The following KATNIP variants were observed in gnomAD, a reference collection of about 807,000 sequenced individuals.
KATNIP encodes the protein katanin-interacting protein.
A neutral mutation model predicts 174.0 loss-of-function variants in KATNIP; 126 were observed. The ratio of observed to expected loss-of-function variants is 0.72; its 90% CI spans 0.63 to 0.84. The LOEUF (loss-of-function observed/expected upper bound fraction) is 0.84, where lower values mean the gene tolerates loss of function less well. Ranked by LOEUF, KATNIP falls within the 40% of genes least tolerant of loss-of-function variation. KATNIP has a pLI of 0.00. For synonymous variants in KATNIP, 810 were observed against 835.7 expected (o/e 0.97, Z 0.53); for missense variants, 1,958 against 2,109.7 (o/e 0.93, Z 1.41).
chr16:27,766,061 G>T (rs1191992132), intron 19 of KATNIP, among the ~76,000 whole-genome samples: 1 of 151,248 alleles, frequency 6.6e-6, no homozygotes, highest in African/African-American at 2.4e-5. Context: ...AAACCCTGAT[G>T]ATTGCTTTTC....
At position 27,779,049 on chromosome 16, in the gene KATNIP, C is replaced by G. The variant is rs746765222; in HGVS notation, c.*420C>G. On this transcript the variant is annotated 3_prime_UTR_variant, in exon 28 of 28. Coordinates refer to ENST00000261588, the MANE Select transcript of KATNIP (RefSeq NM_015202.5). ...TGGGAGACCAGACCCTACCCCGCAA[C>G]TCCAGTAAGCAGGGCACTGCCCAGG... 1.8e-4 allele frequency: 31 copies of G among 168,248 alleles called. No individual in the cohort carries two copies. The highest frequency in any genetic ancestry group is 3.7e-4 in the Non-Finnish European group (29 of 79,164). The allele number at this position is 168,248 out of a possible 1,614,324, so 10.4% of individuals were successfully genotyped here.
intron 7 of KATNIP, 68 bp from the exon 8 acceptor site, chr16:27,681,331 A>G: frequency 6.3e-7 from 1 of 1,583,402 alleles, no homozygotes; most frequent in Non-Finnish European, 8.7e-7. Flanking sequence ...ATGATGAACA[A>G]ATGCCTGAAC....
At chr16:27,562,373 A>G (rs1285348590) in intron 1 of KATNIP, among the ~76,000 whole-genome samples, 1 of 152,218 alleles carries the variant, frequency 6.6e-6, no homozygotes, top group Non-Finnish European at 1.5e-5. Context: ...GGAGAATCAA[A>G]TGAATTCATC....
At chr16:27,695,874 C>T (rs987463416) in intron 8 of KATNIP, among the ~76,000 whole-genome samples, 3 of 152,230 alleles carry the variant, frequency 2.0e-5, no homozygotes, top group Non-Finnish European at 4.4e-5. Context: ...ATTACCCATC[C>T]TTGGCAATAA....
In KATNIP at chr16:27,618,159, G is replaced by A. The variant is rs537402702; in HGVS notation, c.64-266G>A. ...ATGTCAGAACCCTTGATCTTAGAGGGCATGGGAGGAACGAACAGTAGCGAG... is the reference window on the plus strand; with the variant it reads ...ATGTCAGAACCCTTGATCTTAGAGGACATGGGAGGAACGAACAGTAGCGAG... On this transcript the variant is annotated intron_variant, in intron 2 of 27. Transcript: ENST00000261588. Among the ~76,000 whole-genome samples, 5 of 152,304 alleles carry A rather than the reference G, an allele frequency of 3.3e-5. No homozygotes were observed. The East Asian group carries it at 5.8e-4, about 18-fold the overall frequency.
chr16:27,670,988 T>C, intron 6 of KATNIP, among the ~76,000 whole-genome samples: 1 of 152,010 alleles, frequency 6.6e-6, no homozygotes, highest in East Asian at 1.9e-4. Context: ...GGTCAAGAGT[T>C]CAAGACCAGC....
At chr16:27,604,009 A>G (rs1434869241) in intron 2 of KATNIP, among the ~76,000 whole-genome samples, 1 of 152,078 alleles carries the variant, frequency 6.6e-6, no homozygotes, top group Non-Finnish European at 1.5e-5. Context: ...AGTTTTGGGA[A>G]TACAAGTGTG....
intron 5 of KATNIP, among the ~76,000 whole-genome samples, chr16:27,635,851 T>C (rs920978415): frequency 6.6e-6 from 1 of 152,152 alleles, no homozygotes; most frequent in African/African-American, 2.4e-5. Context: ...ATTAACAAGA[T>C]TTTATATTAA....
intron 6 of KATNIP, among the ~76,000 whole-genome samples, chr16:27,676,200 C>A (rs2078107347): frequency 6.6e-6 from 1 of 152,170 alleles, no homozygotes; most frequent in Non-Finnish European, 1.5e-5. Flanking sequence ...GCTTGGAAAT[C>A]TCCTGAGTTA....
chr16:27,771,995 A>G (rs1215302184), intron 22 of KATNIP, among the ~76,000 whole-genome samples: 3 of 152,174 alleles, frequency 2.0e-5, no homozygotes, highest in Non-Finnish European at 4.4e-5. Flanking sequence ...TAACTTGGCA[A>G]TCCAGGCACA....
intron 6 of KATNIP, among the ~76,000 whole-genome samples, chr16:27,672,085 CAGAAATCAG>C (rs1424096884): frequency 6.6e-6 from 1 of 152,122 alleles, no homozygotes; most frequent in Non-Finnish European, 1.5e-5. Flanking sequence ...AAAATAAAAG[CAGAAATCAG>C]ATAACATTGT....
intron 18 of KATNIP, among the ~76,000 whole-genome samples, chr16:27,760,407 G>A (rs954710706): frequency 2.0e-5 from 3 of 152,180 alleles, no homozygotes; most frequent in Non-Finnish European, 4.4e-5. Flanking sequence ...AGTTTCCTGG[G>A]CAAATGAATG....
intron 3 of KATNIP, among the ~76,000 whole-genome samples, chr16:27,620,919 G>A (rs2076175842): frequency 6.6e-6 from 1 of 152,200 alleles, no homozygotes; most frequent in African/African-American, 2.4e-5. Flanking sequence ...GACACAGACT[G>A]TATTAGTATG....
At chr16:27,671,479 A>T (rs2077900490) in intron 6 of KATNIP, among the ~76,000 whole-genome samples, 1 of 152,222 alleles carries the variant, frequency 6.6e-6, no homozygotes, top group African/African-American at 2.4e-5. Context: ...CATGTGGACC[A>T]TTCTCTATTA....
intron 15 of KATNIP, among the ~76,000 whole-genome samples, chr16:27,741,759 C>G (rs2081117028): frequency 6.6e-6 from 1 of 152,010 alleles, no homozygotes; most frequent in Non-Finnish European, 1.5e-5. Context: ...AAAAATTAGC[C>G]AGGCATGTGG....
intron 8 of KATNIP, among the ~76,000 whole-genome samples, chr16:27,683,217 C>A (rs528480139): frequency 6.6e-6 from 1 of 152,306 alleles, no homozygotes; most frequent in South Asian, 2.1e-4. Context: ...AGACCCCTGT[C>A]CTAAGTCTCT....
At chr16:27,578,194 G>A (rs772455542) in intron 2 of KATNIP, among the ~76,000 whole-genome samples, 3 of 152,014 alleles carry the variant, frequency 2.0e-5, no homozygotes, top group Non-Finnish European at 2.9e-5. Context: ...TTAGCCAGGC[G>A]TGGTGGTACA....
rs373895527 is a variant in KATNIP, at chr16:27,670,916, G to A, written c.541-6813G>A. 5.7e-4 allele frequency among the ~76,000 whole-genome samples: 87 copies of A among 152,326 alleles called. 1 individual carries two copies. Among genetic ancestry groups the A allele is most frequent in the African/African-American group, 1.8e-3 (74 of 41,564 alleles). ...TTGTTAATAGTTGGGTGCTGGCCGG[G>A]CGTAGTGGCTCACACCTGTAATCCA... is the stretch of plus-strand genomic sequence containing the variant. On this transcript the variant is annotated intron_variant, in intron 6 of 27. Coordinates refer to ENST00000261588, the MANE Select transcript of KATNIP (RefSeq NM_015202.5).
intron 22 of KATNIP, among the ~76,000 whole-genome samples, chr16:27,772,801 A>G (rs1043248495): frequency 6.6e-6 from 1 of 152,078 alleles, no homozygotes; most frequent in Non-Finnish European, 1.5e-5. Context: ...CCTGGGGCCT[A>G]GAGGAAGGCT....
Sources: allele counts gnomAD v4.1 joint callset (sites outside exome capture counted in the v4.1 genomes callset), GRCh38; gene constraint gnomAD v4.1.1; transcripts MANE v1.5; gene names NCBI Gene and HGNC (gene_info 2026-07-23, HGNC 2026-07-21).